The following RAPGEF4 variants were observed in gnomAD, a reference collection of about 807,000 sequenced individuals.
RAPGEF4 encodes Rap guanine nucleotide exchange factor 4, also known as RAP guanine-nucleotide-exchange factor (GEF) 4.
Under a neutral mutation model 147.9 loss-of-function variants are expected in RAPGEF4, and 66 were observed. The observed-to-expected ratio is 0.45, with a 90% confidence interval of 0.37 to 0.55. The LOEUF is 0.55. Among genes scored for constraint, RAPGEF4 ranks in the 20% least tolerant of loss-of-function variants. RAPGEF4 has a pLI of 0.00. For missense variants in RAPGEF4, 1,071 were observed against 1,257.3 expected (o/e 0.85, Z 2.24); for synonymous variants, 419 against 442.7 (o/e 0.95, Z 0.67).
rs776829069 is a variant in RAPGEF4, at chr2:172,922,254, T to G, written c.518-27T>G. 3.7e-6 allele frequency: 6 copies of G among 1,603,948 alleles called. No homozygotes were observed. The African/African-American group carries it at 8.0e-5, about 21-fold the overall frequency. Reference sequence around the variant, plus strand: ...CCGGTTGATTATACAATTCATGGCCTCTCTCTGTCTCTTTTTCCTCCTTTA... The same window carrying G: ...CCGGTTGATTATACAATTCATGGCCGCTCTCTGTCTCTTTTTCCTCCTTTA... On this transcript the variant is annotated intron_variant, in intron 5 of 30. Coordinates refer to ENST00000397081, the MANE Select transcript of RAPGEF4 (RefSeq NM_007023.4).
intron 25 of RAPGEF4, among the ~76,000 whole-genome samples, chr2:173,028,314 G>A (rs1575558281): frequency 6.6e-6 from 1 of 152,320 alleles, no homozygotes; most frequent in Non-Finnish European, 1.5e-5. Flanking sequence ...CAGCCTTATG[G>A]CAAGGGACAA....
chr2:172,938,675 T>G (rs1686847527), intron 6 of RAPGEF4, among the ~76,000 whole-genome samples: 1 of 152,220 alleles, frequency 6.6e-6, no homozygotes, highest in African/African-American at 2.4e-5. Context: ...ACCCTAACCT[T>G]CTAAATGATT....
chr2:172,924,885 GA>G lies in RAPGEF4; in HGVS notation c.537+2595del, dbSNP rs534233286. Reference sequence around the variant, plus strand: ...TCAGTGTCCAAACAGATTATTTGTAGAAAAAAAAAATTCTCCTTCCCAGCTT... The same window carrying G: ...TCAGTGTCCAAACAGATTATTTGTAGAAAAAAAAATTCTCCTTCCCAGCTT... On this transcript the variant is annotated intron_variant, in intron 6 of 30. Transcript: ENST00000397081. Among the ~76,000 whole-genome samples, 26 of 150,062 alleles carry G rather than the reference GA, an allele frequency of 1.7e-4. No individual in the cohort carries two copies. In the South Asian group the frequency reaches 2.9e-3, roughly 17 times the overall value.
chr2:172,917,974 G>C (rs756415789), intron 5 of RAPGEF4, 100 bp downstream of exon 5: 2 of 990,348 alleles, frequency 2.0e-6, no homozygotes, highest in Admixed American at 3.4e-5. Flanking sequence ...GTCAGAGTAA[G>C]TCTCCAGACT....
intron 17 of RAPGEF4, among the ~76,000 whole-genome samples, chr2:173,013,810 G>C (rs991535898): frequency 6.6e-6 from 1 of 152,166 alleles, no homozygotes. Context: ...AATGTGCAAA[G>C]AGCCAGTAAG....
At chr2:172,829,797 A>T (rs542523531) in intron 4 of RAPGEF4, among the ~76,000 whole-genome samples, 1 of 148,562 alleles carries the variant, frequency 6.7e-6, no homozygotes, top group African/African-American at 2.4e-5. Flanking sequence ...TATATATATT[A>T]TATATAATAT....
intron 4 of RAPGEF4, among the ~76,000 whole-genome samples, chr2:172,850,121 A>C (rs1284634074): frequency 6.6e-6 from 1 of 151,950 alleles, no homozygotes; most frequent in Non-Finnish European, 1.5e-5. Context: ...TCCTACTTGG[A>C]GTGGAGGGCG....
chr2:172,879,125 T>C (rs997776228), intron 4 of RAPGEF4, among the ~76,000 whole-genome samples: 1 of 152,230 alleles, frequency 6.6e-6, no homozygotes, highest in African/African-American at 2.4e-5. Flanking sequence ...TTGGTAGTAT[T>C]GTTTGCTATA....
intron 6 of RAPGEF4, among the ~76,000 whole-genome samples, chr2:172,933,514 T>G (rs1328069243): frequency 6.6e-6 from 1 of 152,130 alleles, no homozygotes; most frequent in African/African-American, 2.4e-5. Context: ...CGTACCTGGG[T>G]GCAGTCAATA....
chr2:172,754,259 G>A (rs1326170045), intron 1 of RAPGEF4, among the ~76,000 whole-genome samples: 1 of 151,998 alleles, frequency 6.6e-6, no homozygotes, highest in Non-Finnish European at 1.5e-5. Context: ...GTTATTAACA[G>A]TTCTTTATAA....
intron 10 of RAPGEF4, among the ~76,000 whole-genome samples, chr2:172,977,309 A>G (rs1163273193): frequency 6.6e-6 from 1 of 152,128 alleles, no homozygotes; most frequent in East Asian, 1.9e-4. Context: ...ACCCCCGTAA[A>G]GACCAAAGCA....
In RAPGEF4 at chr2:173,036,648, G is replaced by A. The variant is rs1684051139; in HGVS notation, c.2809G>A (p.Gly937Arg). ...LIKDMTFTHEGNKTFIDNLVN... is the reference protein window; with the variant it reads ...LIKDMTFTHERNKTFIDNLVN... ...TACAGATATGACATTTACTCATGAG[G>A]GGAACAAGACGTTCATTGACAATCT... The change falls in exon 29 of 31, where the codon GGG becomes AGG. Residue 937 changes from glycine to arginine, a missense_variant. By Grantham distance (125) the Gly-to-Arg change is moderately radical (BLOSUM62 -2). Coordinates refer to ENST00000397081, the MANE Select transcript of RAPGEF4 (RefSeq NM_007023.4). The A allele has an allele frequency of 1.9e-6, 3 of 1,611,332 alleles. No individual in the cohort carries two copies. The South Asian group carries it at 3.3e-5, about 18-fold the overall frequency.
chr2:172,919,539 G>T (rs2676514), intron 5 of RAPGEF4, among the ~76,000 whole-genome samples: 1 of 151,956 alleles, frequency 6.6e-6, no homozygotes, highest in Non-Finnish European at 1.5e-5. Context: ...TTCTTCCCCC[G>T]CTTATGGAAG....
chr2:172,759,138 T>A (rs1696060440), intron 1 of RAPGEF4, among the ~76,000 whole-genome samples: 1 of 152,214 alleles, frequency 6.6e-6, no homozygotes, highest in South Asian at 2.1e-4. Context: ...GGGGTTGCAT[T>A]TGAAGTTTTA....
intron 4 of RAPGEF4, among the ~76,000 whole-genome samples, chr2:172,834,136 G>A (rs960741132): frequency 1.3e-5 from 2 of 152,124 alleles, no homozygotes; most frequent in African/African-American, 2.4e-5. Flanking sequence ...TTCTTGGCTG[G>A]ATCAATGGCT....
chr2:173,018,476 C>T (rs1426868092), intron 21 of RAPGEF4, among the ~76,000 whole-genome samples, 180 bp from the exon 22 acceptor site: 2 of 152,020 alleles, frequency 1.3e-5, no homozygotes, highest in Non-Finnish European at 2.9e-5. Flanking sequence ...ATTCTTAGAC[C>T]AATGCTAAGG....
At chr2:172,736,400 C>T (rs937519814) in intron 1 of RAPGEF4, among the ~76,000 whole-genome samples, 2 of 152,182 alleles carry the variant, frequency 1.3e-5, no homozygotes, top group African/African-American at 4.8e-5. Flanking sequence ...GATGCATACC[C>T]TTTCCGGCTA....
chr2:172,788,718 C>G (rs922029303), intron 1 of RAPGEF4, among the ~76,000 whole-genome samples: 5 of 151,428 alleles, frequency 3.3e-5, no homozygotes, highest in African/African-American at 1.2e-4. Context: ...GACCCTGTCT[C>G]TACAAAAAAA....
At chr2:173,008,920 A>G (rs910010974) in intron 17 of RAPGEF4, among the ~76,000 whole-genome samples, 4 of 152,210 alleles carry the variant, frequency 2.6e-5, no homozygotes, top group Non-Finnish European at 4.4e-5. Flanking sequence ...ATTAAGCCTG[A>G]TGTTGGCAGG....
Sources: gnomAD v4.1 joint callset for allele counts (sites outside exome capture counted in the v4.1 genomes callset) on GRCh38, gnomAD v4.1.1 for gene constraint, MANE v1.5 for transcripts, NCBI Gene and HGNC (gene_info 2026-07-23, HGNC 2026-07-21) for gene names.